Variants in PCDH15 observed in about 807,000 individuals in gnomAD.
PCDH15 encodes protocadherin-15.
In PCDH15, 129 loss-of-function variants were observed where a neutral mutation model predicts 178.5. The ratio of observed to expected loss-of-function variants is 0.72; its 90% CI spans 0.63 to 0.84. The LOEUF is 0.84. Among genes scored for constraint, PCDH15 ranks in the 40% least tolerant of loss-of-function variants. The pLI, the probability that PCDH15 is intolerant of heterozygous loss-of-function variation, is 0.00. For synonymous variants in PCDH15, 800 were observed against 732.0 expected (o/e 1.09, Z -1.50); for missense variants, 2,230 against 2,099.9 (o/e 1.06, Z -1.21).
chr10:55,176,461 T>C (rs563407730), intron 1 of PCDH15, among the ~76,000 whole-genome samples: 2 of 152,060 alleles, frequency 1.3e-5, no homozygotes, highest in Non-Finnish European at 2.9e-5. Context: ...ACAACTGCCA[T>C]ACCTGTCCAG....
chr10:55,014,186 GAATACACC>G (rs1840115528), intron 2 of PCDH15, among the ~76,000 whole-genome samples: 3 of 151,914 alleles, frequency 2.0e-5, no homozygotes, highest in Admixed American at 2.0e-4. Context: ...TCAAAGGGAG[GAATACACC>G]TTGAAATTTT....
At chr10:54,699,260 T>C (rs896998823) in intron 1 of PCDH15, among the ~76,000 whole-genome samples, 4 of 152,066 alleles carry the variant, frequency 2.6e-5, no homozygotes, top group Non-Finnish European at 4.4e-5. Flanking sequence ...AACTACAGGT[T>C]TTATGTAAAA....
intron 2 of PCDH15, among the ~76,000 whole-genome samples, chr10:55,111,359 C>A (rs1248823868): frequency 1.3e-5 from 2 of 152,038 alleles, no homozygotes; most frequent in African/African-American, 4.8e-5. Context: ...TTAATTAGCA[C>A]AAATGAACAA....
intron 2 of PCDH15, among the ~76,000 whole-genome samples, chr10:55,588,527 T>C (rs1365075625): frequency 1.3e-5 from 2 of 152,162 alleles, no homozygotes; most frequent in African/African-American, 4.8e-5. Flanking sequence ...TTAGTTCTGG[T>C]ATGACAATAA....
intron 3 of PCDH15, among the ~76,000 whole-genome samples, chr10:54,472,713 G>A (rs900815444): frequency 4.6e-5 from 7 of 152,128 alleles, no homozygotes; most frequent in African/African-American, 7.2e-5. Flanking sequence ...CAGGAAGGAC[G>A]TGGGGTCAAA....
intron 3 of PCDH15, among the ~76,000 whole-genome samples, chr10:54,397,054 C>T (rs531174296): frequency 2.0e-5 from 3 of 152,134 alleles, no homozygotes; most frequent in South Asian, 2.1e-4. Flanking sequence ...AAAGTCAAAC[C>T]GAGCAAGATG....
intron 1 of PCDH15, among the ~76,000 whole-genome samples, chr10:54,707,934 T>G (rs2095382996): frequency 6.6e-6 from 1 of 152,214 alleles, no homozygotes; most frequent in Non-Finnish European, 1.5e-5. Context: ...AGATTGGTCA[T>G]CACTTTTGGG....
intron 2 of PCDH15, among the ~76,000 whole-genome samples, chr10:54,979,684 A>C (rs1345860946): frequency 1.4e-5 from 2 of 146,898 alleles, no homozygotes; most frequent in Non-Finnish European, 3.0e-5. Context: ...AAAAAAAAAA[A>C]AACCAGAATT....
intron 2 of PCDH15, among the ~76,000 whole-genome samples, chr10:55,068,937 A>G (rs1231862202): frequency 6.6e-6 from 1 of 151,898 alleles, no homozygotes; most frequent in Non-Finnish European, 1.5e-5. Context: ...TCACTCCAAC[A>G]CCCAGGCTAG....
chr10:55,477,779 G>C (rs1262472178), intron 2 of PCDH15, among the ~76,000 whole-genome samples: 1 of 151,836 alleles, frequency 6.6e-6, no homozygotes, highest in Non-Finnish European at 1.5e-5. Context: ...ATATCTCCTT[G>C]ATAAATATCA....
rs1193793271 is a variant in PCDH15 at position 53,803,636 on chromosome 10, A to C, written c.*2943T>G. The C allele has an allele frequency of 1.3e-5, 2 of 151,996 alleles. No homozygotes were observed. Among genetic ancestry groups the C allele is most frequent in the Non-Finnish European group, 2.9e-5 (2 of 67,898 alleles). 9.4% of individuals were successfully genotyped at this position (151,996 alleles called of 1,614,324 possible). ...CTCTCAGAGTCTGTAATTAATGAGA[A>C]AGACAAATTGAGAGAGGGAGATTAA... is the stretch of plus-strand genomic sequence containing the variant. On this transcript the variant is annotated 3_prime_UTR_variant, in exon 38 of 38. Coordinates refer to ENST00000644397, the MANE Select transcript of PCDH15 (RefSeq NM_001384140.1).
chr10:54,843,395 C>G (rs759704695), intron 3 of PCDH15, among the ~76,000 whole-genome samples: 2 of 151,888 alleles, frequency 1.3e-5, no homozygotes, highest in Non-Finnish European at 2.9e-5. Context: ...CTGACATGCT[C>G]GAGCTGGAGT....
intron 2 of PCDH15, among the ~76,000 whole-genome samples, chr10:54,647,289 A>G (rs1454167638): frequency 1.3e-5 from 2 of 152,094 alleles, no homozygotes; most frequent in Non-Finnish European, 2.9e-5. Context: ...CAAAGTATCT[A>G]AAGTAGTGAA....
rs1194965974 is a variant in PCDH15 at position 54,853,318 on chromosome 10, T to TATATATATATATATAC, written c.-29+44131_-29+44132insGTATATATATATATAT. On this transcript the variant is annotated intron_variant, in intron 3 of 5. Coordinates refer to the PCDH15 transcript ENST00000458638. ...ATATATATATATATATATATATATA[T>TATATATATATATATAC]ACATACACACACATATACATATATA... Among the ~76,000 whole-genome samples the TATATATATATATATAC allele has an allele frequency of 8.8e-4, 90 of 101,984 alleles. 3 individuals carry two copies. Among genetic ancestry groups the TATATATATATATATAC allele is most frequent in the Non-Finnish European group, 1.2e-3 (67 of 54,448 alleles). 66.9% of individuals were successfully genotyped at this position (101,984 alleles called of 152,430 possible). A position where few individuals can be genotyped will look rare whatever the true frequency, so the allele number is the denominator to read the frequency against.
chr10:55,515,593 A>T lies in PCDH15; in HGVS notation c.-156+112032T>A, dbSNP rs540529694. Among the ~76,000 whole-genome samples the T allele has an allele frequency of 2.6e-5, 4 of 152,198 alleles. No homozygotes were observed. The East Asian group carries it at 7.8e-4, about 30-fold the overall frequency. On this transcript the variant is annotated intron_variant, in intron 2 of 5. Coordinates refer to the PCDH15 transcript ENST00000613346. ...TAATTAATAAGTAGTTATGAAATTC[A>T]CAATTTAAGTTTTCATCTAGTTAAT...
At chr10:55,110,667 G>C (rs1045674905) in intron 2 of PCDH15, among the ~76,000 whole-genome samples, 2 of 150,970 alleles carry the variant, frequency 1.3e-5, no homozygotes, top group Admixed American at 1.3e-4. Flanking sequence ...CCAACAAGAG[G>C]GTTCCTGTTC....
chr10:54,660,914 T>C (rs1488054434), intron 2 of PCDH15, among the ~76,000 whole-genome samples: 1 of 151,994 alleles, frequency 6.6e-6, no homozygotes, highest in Non-Finnish European at 1.5e-5. Flanking sequence ...CCAATATGTC[T>C]GTATGATAAA....
rs1021464240 is a variant in PCDH15, at chr10:54,155,200, T to C, written c.1591-1907A>G. Reference sequence around the variant, plus strand: ...GTGTGCTTCAGGGATGTCAGCATTATAGCTGGTCTTATTTAACATTTTCAT... The same window carrying C: ...GTGTGCTTCAGGGATGTCAGCATTACAGCTGGTCTTATTTAACATTTTCAT... On this transcript the variant is annotated intron_variant, in intron 13 of 37. Transcript: ENST00000644397. 3.3e-5 allele frequency among the ~76,000 whole-genome samples: 5 copies of C among 152,198 alleles called. No homozygotes were observed. In the East Asian group the frequency reaches 5.8e-4, roughly 18 times the overall value.
At chr10:55,586,561 T>C (rs1842730352) in intron 2 of PCDH15, among the ~76,000 whole-genome samples, 1 of 152,110 alleles carries the variant, frequency 6.6e-6, no homozygotes, top group Non-Finnish European at 1.5e-5. Context: ...AACTAATCCT[T>C]TTGAAAATAT....
Sources: allele counts gnomAD v4.1 joint callset (sites outside exome capture counted in the v4.1 genomes callset), GRCh38; gene constraint gnomAD v4.1.1; transcripts MANE v1.5; gene names NCBI Gene and HGNC (gene_info 2026-07-23, HGNC 2026-07-21).